The following ADAM32 variants were observed in gnomAD, a reference collection of about 807,000 sequenced individuals.
The protein encoded by ADAM32 is disintegrin and metalloproteinase domain-containing protein 32.
In ADAM32, 89 loss-of-function variants were observed where a neutral mutation model predicts 114.9. That is an observed-to-expected ratio of 0.77 (90% CI 0.65 to 0.92). The LOEUF is 0.92. Ranked by LOEUF, ADAM32 falls within the 40% of genes least tolerant of loss-of-function variation. The probability of loss-of-function intolerance (pLI) is 0.00; values close to 1 mark genes in which losing one functional copy is unlikely to be tolerated. For missense variants in ADAM32, 870 were observed against 932.8 expected (o/e 0.93, Z 0.88); for synonymous variants, 285 against 307.5 (o/e 0.93, Z 0.77).
At chr8:39,123,456 C>T (rs1166877432) in intron 2 of ADAM32, among the ~76,000 whole-genome samples, 3 of 152,026 alleles carry the variant, frequency 2.0e-5, no homozygotes, top group South Asian at 4.1e-4. Flanking sequence ...TGGATTTGGT[C>T]GGGGGGCACA....
rs758539385 is a variant in ADAM32, at chr8:39,246,116, A to G, written c.1852A>G (p.Ile618Val). 6.2e-7 allele frequency: 1 copy of G among 1,613,528 alleles called. No homozygotes were observed. Among genetic ancestry groups the G allele is most frequent in the Middle Eastern group, 1.7e-4 (1 of 6,054 alleles). Residue 618 changes from isoleucine to valine, a missense_variant, in exon 17 of 25, where the codon ATA becomes GTA. By Grantham distance (29) the Ile-to-Val change is conservative (BLOSUM62 3). Coordinates refer to ENST00000379907, the MANE Select transcript of ADAM32 (RefSeq NM_145004.7). ...CVNRECVESR[I>V]IKASAHVCSQ... ...AAATCGTGAATGTGTAGAATCAAGG[A>G]TAATTAAGGCTTCAGCACATGTTTG...
At chr8:39,135,688 A>C (rs1434902694) in intron 2 of ADAM32, among the ~76,000 whole-genome samples, 2 of 152,110 alleles carry the variant, frequency 1.3e-5, no homozygotes, top group Admixed American at 6.5e-5. Flanking sequence ...TCTGTTTCTC[A>C]GTCTTTCCTT....
rs888665136 is a variant in ADAM32 at position 39,107,764 on chromosome 8, C to T, written c.-12C>T. 1.9e-6 allele frequency: 3 copies of T among 1,550,448 alleles called. No individual in the cohort carries two copies. Among genetic ancestry groups the T allele is most frequent in the Non-Finnish European group, 2.6e-6 (3 of 1,146,680 alleles). Reference sequence around the variant, plus strand: ...CCCAACGGCTTCCCGCTGGCAGCCCCGAAGCCGCACCATGTTCCGCCTCTG... The same window carrying T: ...CCCAACGGCTTCCCGCTGGCAGCCCTGAAGCCGCACCATGTTCCGCCTCTG... On this transcript the variant is annotated 5_prime_UTR_variant, in exon 1 of 25. Transcript: ENST00000379907.
rs1809104877 is a variant in ADAM32 at position 39,223,187 on chromosome 8, GACGGAGAC to G, written c.1475_1482del (p.Asp492ValfsTer3). 2 of 1,598,628 alleles carry G rather than the reference GACGGAGAC, an allele frequency of 1.3e-6. No homozygotes were observed. Among genetic ancestry groups the G allele is most frequent in the Non-Finnish European group, 1.7e-6 (2 of 1,173,442 alleles). The stretch of plus-strand genomic sequence containing the variant: ...CAAAAATAATAAGTTTATTTGTTAT[GACGGAGAC>G]TGCCATGATCTCGATGCACGTTGTG... On this transcript the variant is annotated frameshift_variant, in exon 14 of 25. Coordinates refer to ENST00000379907, the MANE Select transcript of ADAM32 (RefSeq NM_145004.7). LOFTEE classifies it high-confidence loss of function.
At chr8:39,199,928 A>G (rs1807279411) in intron 11 of ADAM32, among the ~76,000 whole-genome samples, 1 of 152,112 alleles carries the variant, frequency 6.6e-6, no homozygotes, top group Non-Finnish European at 1.5e-5. Flanking sequence ...AGCTTCATCC[A>G]TGTCCCTACA....
intron 10 of ADAM32, among the ~76,000 whole-genome samples, chr8:39,174,741 A>T (rs1470086795): frequency 6.8e-6 from 1 of 146,412 alleles, no homozygotes; most frequent in African/African-American, 2.5e-5. Context: ...AGTTTAATGG[A>T]AATAGCATTG....
At chr8:39,126,398 C>T (rs531668511) in intron 2 of ADAM32, among the ~76,000 whole-genome samples, 3 of 152,154 alleles carry the variant, frequency 2.0e-5, no homozygotes, top group South Asian at 2.1e-4. Context: ...TCACTTCCCT[C>T]GTTAGCTGCA....
intron 1 of ADAM32, among the ~76,000 whole-genome samples, chr8:39,111,326 A>G (rs1588454925): frequency 6.6e-6 from 1 of 152,236 alleles, no homozygotes; most frequent in African/African-American, 2.4e-5. Flanking sequence ...TTATCCCCCA[A>G]TAATGAGTTG....
At chr8:39,124,156 A>G (rs943050838) in intron 2 of ADAM32, among the ~76,000 whole-genome samples, 2 of 151,872 alleles carry the variant, frequency 1.3e-5, no homozygotes, top group African/African-American at 2.4e-5. Flanking sequence ...TCCGTTAGCT[A>G]TACTTCCTAA....
intron 19 of ADAM32, among the ~76,000 whole-genome samples, chr8:39,262,403 T>A (rs1034945693): frequency 2.6e-5 from 4 of 152,210 alleles, no homozygotes; most frequent in African/African-American, 9.7e-5. Flanking sequence ...TCCATTAGTG[T>A]AAGTGTCTGT....
intron 13 of ADAM32, among the ~76,000 whole-genome samples, chr8:39,222,078 G>A (rs1161108057): frequency 6.6e-6 from 1 of 151,934 alleles, no homozygotes; most frequent in East Asian, 1.9e-4. Context: ...AGATATAGCA[G>A]ATTTCCTTAA....
intron 11 of ADAM32, among the ~76,000 whole-genome samples, chr8:39,194,106 G>C (rs1806790579): frequency 6.6e-6 from 1 of 152,208 alleles, no homozygotes; most frequent in Non-Finnish European, 1.5e-5. Flanking sequence ...GCATAGCTCA[G>C]GGTGGGGTGG....
rs768872675 is a variant in ADAM32, at chr8:39,130,924, C to T, written c.139-5733C>T. The T allele has an allele frequency of 2.6e-4, 117 of 443,578 alleles. 3 individuals carry two copies. Among genetic ancestry groups the T allele is most frequent in the South Asian group, 1.3e-3 (78 of 61,318 alleles). The allele number at this position is 443,578 out of a possible 1,614,324, so 27.5% of individuals were successfully genotyped here. ...GTTTCATTTATCATGCCTATAATCC[C>T]GGCATTTTGGGAGACTGAGGCAGGA... is the stretch of plus-strand genomic sequence containing the variant. On this transcript the variant is annotated intron_variant, in intron 2 of 24. Transcript: ENST00000379907.
intron 9 of ADAM32, chr8:39,166,896 C>G (rs1233872086): frequency 6.6e-6 from 1 of 151,742 alleles, no homozygotes; most frequent in African/African-American, 2.4e-5. Flanking sequence ...TTGTTTTTTT[C>G]TTACTGATTT....
At chr8:39,274,420 A>C in intron 21 of ADAM32, 70 bp downstream of exon 21, 1 of 1,510,068 alleles carries the variant, frequency 6.6e-7, no homozygotes. Flanking sequence ...TTCACAATTT[A>C]TTTCTAAATA....
intron 6 of ADAM32, among the ~76,000 whole-genome samples, chr8:39,152,720 C>CAAA (rs112877602): frequency 4.5e-4 from 61 of 136,844 alleles, no homozygotes; most frequent in African/African-American, 1.9e-3. Context: ...GACTCCATCT[C>CAAA]AAAAAAAAAA....
intron 11 of ADAM32, among the ~76,000 whole-genome samples, chr8:39,201,036 A>T (rs1257391829): frequency 6.6e-6 from 1 of 152,276 alleles, no homozygotes; most frequent in Admixed American, 6.5e-5. Context: ...GCCTTGTAAT[A>T]TAGTTTGAAG....
intron 10 of ADAM32, among the ~76,000 whole-genome samples, chr8:39,170,255 G>C (rs766000953): frequency 1.3e-5 from 2 of 152,036 alleles, no homozygotes; most frequent in Non-Finnish European, 2.9e-5. Context: ...ATAATGCATT[G>C]TGAAAAATTA....
At chr8:39,134,254 C>T (rs1192786485) in intron 2 of ADAM32, among the ~76,000 whole-genome samples, 2 of 151,826 alleles carry the variant, frequency 1.3e-5, no homozygotes, top group South Asian at 4.2e-4. Flanking sequence ...GCTTGGGTAT[C>T]GAAGGGTGAG....
Sources: gnomAD v4.1 joint callset for allele counts (sites outside exome capture counted in the v4.1 genomes callset) on GRCh38, gnomAD v4.1.1 for gene constraint, MANE v1.5 for transcripts, NCBI Gene and HGNC (gene_info 2026-07-23, HGNC 2026-07-21) for gene names.